Variants in SDK1 observed in about 807,000 individuals in gnomAD.
SDK1 encodes sidekick cell adhesion molecule 1, also known as protein sidekick-1.
Under a neutral mutation model 245.5 loss-of-function variants are expected in SDK1, and 157 were observed. The ratio of observed to expected loss-of-function variants is 0.64; its 90% CI spans 0.56 to 0.73. SDK1 has a LOEUF of 0.73. SDK1 is among the 30% of genes least tolerant of loss of function. The pLI is 0.00. For synonymous variants in SDK1, 1,647 were observed against 1,278.5 expected (o/e 1.29, Z -6.15); for missense variants, 3,583 against 3,002.3 (o/e 1.19, Z -4.52).
At chr7:3,625,662 A>C (rs1782093752) in intron 2 of SDK1, among the ~76,000 whole-genome samples, 1 of 152,226 alleles carries the variant, frequency 6.6e-6, no homozygotes, top group Admixed American at 6.5e-5. Context: ...TGAAAGAGGA[A>C]ATTATTTATC....
At chr7:3,451,115 C>T (rs375184074) in intron 1 of SDK1, among the ~76,000 whole-genome samples, 1 of 151,998 alleles carries the variant, frequency 6.6e-6, no homozygotes, top group Non-Finnish European at 1.5e-5. Flanking sequence ...GTGGATGATA[C>T]AGTAGCTGGG....
chr7:4,194,251 TGTATGC>T (rs1425920398), intron 35 of SDK1, among the ~76,000 whole-genome samples: 51 of 150,666 alleles, frequency 3.4e-4, no homozygotes, highest in African/African-American at 1.1e-3. Flanking sequence ...TATAGATATA[TGTATGC>T]ACGTATGTGT....
intron 44 of SDK1, among the ~76,000 whole-genome samples, chr7:4,250,195 C>A (rs116844408): frequency 6.6e-6 from 1 of 152,144 alleles, no homozygotes; most frequent in Non-Finnish European, 1.5e-5. Flanking sequence ...ATGATTGCAA[C>A]GCATTTGAAC....
At position 3,424,036 on chromosome 7, in the gene SDK1, C is replaced by G. The variant is rs1046458289; in HGVS notation, c.298+122152C>G. On this transcript the variant is annotated intron_variant, in intron 1 of 44. Coordinates refer to ENST00000404826, the MANE Select transcript of SDK1 (RefSeq NM_152744.4). ...AAGCGATCCTCCTACCTCAAACTCCCAAATAGTTCGGACTACAGGTGCGCG... is the reference window on the plus strand; with the variant it reads ...AAGCGATCCTCCTACCTCAAACTCCGAAATAGTTCGGACTACAGGTGCGCG... Among the ~76,000 whole-genome samples, 66 of 152,074 alleles carry G rather than the reference C, an allele frequency of 4.3e-4. 1 individual carries two copies. The highest frequency in any genetic ancestry group is 1.4e-3 in the African/African-American group (58 of 41,460).
chr7:4,237,681 G>A lies in SDK1; in HGVS notation c.6027G>A (p.Trp2009Ter). 1 of 1,614,134 alleles carries A rather than the reference G, an allele frequency of 6.2e-7. No individual in the cohort carries two copies. Among genetic ancestry groups the A allele is most frequent in the South Asian group, 1.1e-5 (1 of 91,082 alleles). The change falls in exon 42 of 45, where the codon TGG (tryptophan) becomes TGA (stop). Residue 2009 changes from tryptophan to a stop codon, truncating the protein, a stop_gained. Transcript: ENST00000404826. LOFTEE classifies it high-confidence loss of function. ...AAGCCCCATTCTACGAGGAGTGGTG[G>A]TTCCTCCTGGTGATGGCTCTGTCCA... ...QVEAPFYEEW[W>*]FLLVMALSSL...
intron 22 of SDK1, among the ~76,000 whole-genome samples, chr7:4,105,377 G>C (rs943090521): frequency 6.6e-6 from 1 of 151,794 alleles, no homozygotes; most frequent in Non-Finnish European, 1.5e-5. Context: ...CATGATCTCA[G>C]CTCACTGCAT....
intron 38 of SDK1, among the ~76,000 whole-genome samples, chr7:4,210,901 A>C (rs1168766804): frequency 6.6e-6 from 1 of 152,166 alleles, no homozygotes; most frequent in Non-Finnish European, 1.5e-5. Flanking sequence ...AGGCTTAGGG[A>C]AGAGACCGGA....
chr7:3,803,771 CAG>C (rs1293888382), intron 4 of SDK1, among the ~76,000 whole-genome samples: 2 of 112,852 alleles, frequency 1.8e-5, no homozygotes, highest in East Asian at 2.8e-4. Flanking sequence ...TTTTTTGAGA[CAG>C]AGTCTGGCCT....
intron 1 of SDK1, among the ~76,000 whole-genome samples, chr7:3,370,233 C>T (rs982755959): frequency 4.6e-5 from 7 of 152,122 alleles, no homozygotes; most frequent in African/African-American, 7.2e-5. Flanking sequence ...GTCTCCTTAC[C>T]GGCAGGGGAA....
intron 3 of SDK1, among the ~76,000 whole-genome samples, chr7:3,641,056 A>G (rs983446757): frequency 1.3e-5 from 2 of 151,872 alleles, no homozygotes; most frequent in African/African-American, 2.4e-5. Flanking sequence ...TGAAAAAACT[A>G]TGAGTATTTT....
intron 4 of SDK1, among the ~76,000 whole-genome samples, chr7:3,816,907 G>A (rs959963804): frequency 1.3e-5 from 2 of 151,784 alleles, no homozygotes; most frequent in Admixed American, 6.6e-5. Context: ...CTTCCTGCAC[G>A]CTGACCTTCT....
At chr7:3,824,919 C>A (rs1244361696) in intron 5 of SDK1, among the ~76,000 whole-genome samples, 1 of 152,128 alleles carries the variant, frequency 6.6e-6, no homozygotes, top group Non-Finnish European at 1.5e-5. Context: ...AAGATAAATT[C>A]CAGCATGTTC....
chr7:3,416,381 G>A (rs1046657928), intron 1 of SDK1, among the ~76,000 whole-genome samples: 4 of 151,914 alleles, frequency 2.6e-5, no homozygotes, highest in Admixed American at 1.3e-4. Flanking sequence ...TTCTCCCCAC[G>A]GGAGAAAGAA....
At chr7:3,787,169 C>T in intron 4 of SDK1, among the ~76,000 whole-genome samples, 1 of 151,614 alleles carries the variant, frequency 6.6e-6, no homozygotes, top group Non-Finnish European at 1.5e-5. Context: ...CACACACACA[C>T]ACACACACAC....
intron 17 of SDK1, among the ~76,000 whole-genome samples, chr7:4,023,942 C>T (rs1562687028): frequency 6.6e-6 from 1 of 152,154 alleles, no homozygotes; most frequent in African/African-American, 2.4e-5. Flanking sequence ...TTAGCAAACT[C>T]CTTCTATACA....
chr7:3,416,722 G>C (rs572970727), intron 1 of SDK1, among the ~76,000 whole-genome samples: 12 of 152,168 alleles, frequency 7.9e-5, no homozygotes, highest in Non-Finnish European at 1.6e-4. Flanking sequence ...TCAGGCTTAA[G>C]CTGTATTCTC....
At chr7:4,040,559 C>T (rs538972571) in intron 17 of SDK1, among the ~76,000 whole-genome samples, 1 of 152,170 alleles carries the variant, frequency 6.6e-6, no homozygotes, top group Non-Finnish European at 1.5e-5. Context: ...GCAGAGGGGT[C>T]CGGAGTGGGT....
chr7:3,310,727 G>A (rs967911999), intron 1 of SDK1, among the ~76,000 whole-genome samples: 17 of 152,150 alleles, frequency 1.1e-4, no homozygotes, highest in Admixed American at 3.3e-4. Flanking sequence ...GGAGGGTCTG[G>A]GCTTTTGGTA....
intron 1 of SDK1, among the ~76,000 whole-genome samples, chr7:3,310,172 A>C (rs1414188958): frequency 1.3e-5 from 2 of 152,194 alleles, no homozygotes; most frequent in Non-Finnish European, 2.9e-5. Flanking sequence ...TTTGTGGCTG[A>C]AACCCAGCTG....
Sources: gnomAD v4.1 joint callset for allele counts (sites outside exome capture counted in the v4.1 genomes callset) on GRCh38, gnomAD v4.1.1 for gene constraint, MANE v1.5 for transcripts, NCBI Gene and HGNC (gene_info 2026-07-23, HGNC 2026-07-21) for gene names.